HS3ST5: variants seen among roughly 807,000 people sequenced by gnomAD.
The protein encoded by HS3ST5 is heparan sulfate-glucosamine 3-sulfotransferase 5.
HS3ST5 carries 10 observed loss-of-function variants against 25.4 expected under a neutral mutation model. That is an observed-to-expected ratio of 0.39 (90% CI 0.24 to 0.67). The LOEUF is 0.67. Ranked by LOEUF, HS3ST5 falls within the 30% of genes least tolerant of loss-of-function variation. HS3ST5 has a pLI of 0.44. For synonymous variants in HS3ST5, 170 were observed against 162.4 expected, an observed-to-expected ratio of 1.05 and a Z score of -0.36; for missense variants, 324 against 420.7, an observed-to-expected ratio of 0.77 and a Z score of 2.01.
In HS3ST5 at chr6:114,320,153, A is replaced by T. The variant is rs1434257522; in HGVS notation, c.-339+22042T>A. On this transcript the variant is annotated intron_variant, in intron 1 of 4. Coordinates refer to ENST00000312719, the MANE Select transcript of HS3ST5 (RefSeq NM_153612.4). ...CTGCACTGTTATTGGGACTCTACAT[A>T]CATTATCTTTAATTCTTACAATTAG... is the stretch of plus-strand genomic sequence containing the variant. 2.6e-5 allele frequency among the ~76,000 whole-genome samples: 4 copies of T among 152,240 alleles called. No individual in the cohort carries two copies. In the South Asian group the frequency reaches 8.3e-4, roughly 32 times the overall value.
At chr6:114,059,064 A>G (rs1244959174) in intron 4 of HS3ST5, 2 of 152,212 alleles carry the variant, frequency 1.3e-5, no homozygotes, top group Non-Finnish European at 2.9e-5. Context: ...TTTCCACTTC[A>G]GTATTATCCT....
chr6:114,163,183 C>T (rs1031076776), intron 3 of HS3ST5, among the ~76,000 whole-genome samples: 1 of 152,090 alleles, frequency 6.6e-6, no homozygotes, highest in African/African-American at 2.4e-5. Context: ...AATAAATTCT[C>T]TTTCGTTTTT....
chr6:114,114,339 G>T (rs1271914077), intron 3 of HS3ST5, among the ~76,000 whole-genome samples: 1 of 152,116 alleles, frequency 6.6e-6, no homozygotes, highest in Non-Finnish European at 1.5e-5. Context: ...TTACTTTTAA[G>T]TGTTAGCAGT....
intron 1 of HS3ST5, among the ~76,000 whole-genome samples, chr6:114,311,725 T>A: frequency 6.6e-6 from 1 of 152,004 alleles, no homozygotes; most frequent in East Asian, 1.9e-4. Flanking sequence ...ATATTTTTAA[T>A]AGACACAGGG....
At chr6:114,096,595 C>A (rs1310238529) in intron 3 of HS3ST5, among the ~76,000 whole-genome samples, 1 of 152,048 alleles carries the variant, frequency 6.6e-6, no homozygotes, top group Non-Finnish European at 1.5e-5. Flanking sequence ...TAAACGTGCA[C>A]AATTTGTGTG....
At chr6:114,299,444 C>T (rs1432380446) in intron 1 of HS3ST5, among the ~76,000 whole-genome samples, 1 of 152,172 alleles carries the variant, frequency 6.6e-6, no homozygotes, top group Non-Finnish European at 1.5e-5. Context: ...TATGTGATCT[C>T]TGTGACCCAC....
At chr6:114,287,240 T>C (rs537498679) in intron 1 of HS3ST5, among the ~76,000 whole-genome samples, 21 of 152,146 alleles carry the variant, frequency 1.4e-4, no homozygotes, top group Admixed American at 1.2e-3. Flanking sequence ...ACTTACTCTG[T>C]ACCAGTCACT....
intron 2 of HS3ST5, among the ~76,000 whole-genome samples, chr6:114,182,105 A>G (rs1780001401): frequency 2.0e-5 from 3 of 152,180 alleles, no homozygotes; most frequent in African/African-American, 7.2e-5. Context: ...TGCAAGTCAT[A>G]TATATTGCCA....
At chr6:114,267,622 G>A (rs9374450) in intron 1 of HS3ST5, among the ~76,000 whole-genome samples, 16,671 of 152,104 alleles carry the variant, frequency 0.11, 1,285 homozygotes, top group East Asian at 0.33. Flanking sequence ...TTATAAGGTA[G>A]GGATTTTGAA....
chr6:114,155,039 C>T (rs1778634018), intron 3 of HS3ST5, among the ~76,000 whole-genome samples: 1 of 152,176 alleles, frequency 6.6e-6, no homozygotes, highest in Non-Finnish European at 1.5e-5. Flanking sequence ...ATTCTGTGCA[C>T]TGCCATTGAC....
chr6:114,240,525 G>A (rs916195264), intron 1 of HS3ST5, among the ~76,000 whole-genome samples: 2 of 152,236 alleles, frequency 1.3e-5, no homozygotes, highest in Admixed American at 6.5e-5. Context: ...AAGTTAACTC[G>A]AAGGGGTCCT....
At chr6:114,117,271 G>T (rs1205927469) in intron 3 of HS3ST5, among the ~76,000 whole-genome samples, 10 of 152,016 alleles carry the variant, frequency 6.6e-5, no homozygotes, top group Admixed American at 6.6e-4. Flanking sequence ...ACCCTGTCTT[G>T]GCTCCATGTG....
At chr6:114,099,859 T>A (rs1775635635) in intron 3 of HS3ST5, among the ~76,000 whole-genome samples, 1 of 152,116 alleles carries the variant, frequency 6.6e-6, no homozygotes, top group Admixed American at 6.6e-5. Flanking sequence ...CAAAGCTGCA[T>A]GATTATTATG....
intron 2 of HS3ST5, among the ~76,000 whole-genome samples, chr6:114,174,965 C>T (rs1779657953): frequency 6.6e-6 from 1 of 151,998 alleles, no homozygotes; most frequent in Non-Finnish European, 1.5e-5. Context: ...TGCACTCCAG[C>T]CTGGTGACAG....
At chr6:114,256,654 A>G (rs566968315) in intron 1 of HS3ST5, among the ~76,000 whole-genome samples, 2 of 152,262 alleles carry the variant, frequency 1.3e-5, no homozygotes, top group South Asian at 4.1e-4. Flanking sequence ...TTCATTGTCC[A>G]TATCATTATC....
At chr6:114,317,621 G>A (rs1775792756) in intron 1 of HS3ST5, among the ~76,000 whole-genome samples, 1 of 152,012 alleles carries the variant, frequency 6.6e-6, no homozygotes, top group South Asian at 2.1e-4. Context: ...TATTTATTGA[G>A]TACCTATAGT....
chr6:114,107,535 G>A (rs891121415), intron 3 of HS3ST5, among the ~76,000 whole-genome samples: 3 of 152,162 alleles, frequency 2.0e-5, no homozygotes, highest in Admixed American at 6.5e-5. Flanking sequence ...CAGCCAGTGC[G>A]ATGGGCAAGA....
intron 2 of HS3ST5, among the ~76,000 whole-genome samples, chr6:114,216,571 T>A (rs1781772685): frequency 6.6e-6 from 1 of 152,112 alleles, no homozygotes; most frequent in African/African-American, 2.4e-5. Context: ...ATTGCTTTAC[T>A]ATCTACAGGA....
At chr6:114,308,676 A>T (rs1775403550) in intron 1 of HS3ST5, among the ~76,000 whole-genome samples, 1 of 152,188 alleles carries the variant, frequency 6.6e-6, no homozygotes, top group South Asian at 2.1e-4. Flanking sequence ...CACTGTTGAC[A>T]TAGACCTGTA....
Sources: gnomAD v4.1 joint callset for allele counts (sites outside exome capture counted in the v4.1 genomes callset) on GRCh38, gnomAD v4.1.1 for gene constraint, MANE v1.5 for transcripts, NCBI Gene and HGNC (gene_info 2026-07-23, HGNC 2026-07-21) for gene names.